Variants in SLC35F1 observed in about 807,000 individuals in gnomAD.
The protein encoded by SLC35F1 is chromosome 6 open reading frame 169.
In SLC35F1, 14 loss-of-function variants were observed where a neutral mutation model predicts 48.7. The ratio of observed to expected loss-of-function variants is 0.29; its 90% CI spans 0.19 to 0.45. The LOEUF (loss-of-function observed/expected upper bound fraction) is 0.45. Among genes scored for constraint, SLC35F1 ranks in the 20% least tolerant of loss-of-function variants. The pLI, the probability that SLC35F1 is intolerant of heterozygous loss-of-function variation, is 1.00. For missense variants in SLC35F1, 404 were observed against 500.0 expected (o/e 0.81, Z 1.83); for synonymous variants, 190 against 202.2 (o/e 0.94, Z 0.51).
At position 118,121,309 on chromosome 6, in the gene SLC35F1, T is replaced by C. The variant is rs562703173; in HGVS notation, c.174-33136T>C. On this transcript the variant is annotated intron_variant, in intron 1 of 7. Transcript: ENST00000360388. ...AAGGGACTTTAAGTAAAATAACTAT[T>C]AACCTCTGAAAACACGTTGTAATCT... 2.6e-5 allele frequency among the ~76,000 whole-genome samples: 4 copies of C among 152,338 alleles called. No individual in the cohort carries two copies. In the South Asian group the frequency reaches 6.2e-4, roughly 24 times the overall value.
Position 118,254,927 on chromosome 6 carries a change from T to C in SLC35F1, c.478-12068T>C, listed in dbSNP as rs368570105. Reference sequence around the variant, plus strand: ...AGTATCAGAAAATGAATGGTTCTAATTCTCATGCACTTTGTCTTATAACCT... The same window carrying C: ...AGTATCAGAAAATGAATGGTTCTAACTCTCATGCACTTTGTCTTATAACCT... On this transcript the variant is annotated intron_variant, in intron 3 of 7. Coordinates refer to ENST00000360388, the MANE Select transcript of SLC35F1 (RefSeq NM_001029858.4). 3.5e-4 allele frequency among the ~76,000 whole-genome samples: 54 copies of C among 152,322 alleles called. No individual in the cohort carries two copies. In the South Asian group the frequency reaches 0.011, roughly 31 times the overall value.
At position 117,923,635 on chromosome 6, in the gene SLC35F1, G is replaced by GTACATATATACATATGTATATA. The variant is rs1775942070; in HGVS notation, c.173+15743_173+15744insATACATATGTATATATACATAT. Among the ~76,000 whole-genome samples, 6 of 93,724 alleles carry GTACATATATACATATGTATATA rather than the reference G, an allele frequency of 6.4e-5. 1 individual carries two copies. Among genetic ancestry groups the GTACATATATACATATGTATATA allele is most frequent in the Non-Finnish European group, 1.2e-4 (6 of 50,700 alleles). 61.5% of individuals were successfully genotyped at this position (93,724 alleles called of 152,430 possible). ...TATACATATGTATATATACATATAT[G>GTACATATATACATATGTATATA]TACATATGTACATATGTACATATGT... is the stretch of plus-strand genomic sequence containing the variant. On this transcript the variant is annotated intron_variant, in intron 1 of 7. Coordinates refer to ENST00000360388, the MANE Select transcript of SLC35F1 (RefSeq NM_001029858.4).
intron 1 of SLC35F1, among the ~76,000 whole-genome samples, chr6:117,912,986 T>G (rs910570486): frequency 6.6e-5 from 10 of 152,242 alleles, no homozygotes; most frequent in African/African-American, 2.2e-4. Context: ...ATGTAGAAGG[T>G]ATAGGCAATT....
In SLC35F1 at chr6:118,243,748, G is replaced by C. The variant is rs530210390; in HGVS notation, c.477+8112G>C. The stretch of plus-strand genomic sequence containing the variant: ...TGTGGATGAGCCAGAGAGAAAGCTT[G>C]CCTATTTACATTAGAAACGGGTCCC... On this transcript the variant is annotated intron_variant, in intron 3 of 7. Transcript: ENST00000360388. Among the ~76,000 whole-genome samples the C allele has an allele frequency of 7.2e-5, 11 of 152,278 alleles. No individual in the cohort carries two copies. The East Asian group carries it at 2.1e-3, about 29-fold the overall frequency.
rs149931316 is a variant in SLC35F1, at chr6:118,044,061, G to A, written c.174-110384G>A. On this transcript the variant is annotated intron_variant, in intron 1 of 7. Transcript: ENST00000360388. ...AACTGGCAGCACTTTATAGATGCCA[G>A]GATGCAACCTGCAGGTGCAGGCCAG... Among the ~76,000 whole-genome samples the A allele has an allele frequency of 7.6e-3, 1,159 of 152,318 alleles. 13 individuals are homozygous for A. Among genetic ancestry groups the A allele is most frequent in the Middle Eastern group, 0.024 (7 of 294 alleles).
In SLC35F1 at chr6:118,285,174, C is replaced by G; in HGVS notation, c.848-10C>G. On this transcript the variant is annotated splice_polypyrimidine_tract_variant and intron_variant, in intron 6 of 7. Transcript: ENST00000360388. ...GCCCTGACGCTGCCTTCTCTTTACT[C>G]TTCCCCCAGGACTGCTCTACGTTGG... is the stretch of plus-strand genomic sequence containing the variant. 6.2e-7 allele frequency: 1 copy of G among 1,612,068 alleles called. No individual in the cohort carries two copies. The highest frequency in any genetic ancestry group is 8.5e-7 in the Non-Finnish European group (1 of 1,178,478).
Position 118,131,357 on chromosome 6 carries a change from A to T in SLC35F1, c.174-23088A>T, listed in dbSNP as rs1773709633. On this transcript the variant is annotated intron_variant, in intron 1 of 7. Coordinates refer to ENST00000360388, the MANE Select transcript of SLC35F1 (RefSeq NM_001029858.4). ...TCAGCATTATACTTTAAGCATTTTT[A>T]TAACTCCACAATCTTTTGGCAACGA... Among the ~76,000 whole-genome samples, 2 of 152,216 alleles carry T rather than the reference A, an allele frequency of 1.3e-5. 1 individual carries two copies. Among genetic ancestry groups the T allele is most frequent in the South Asian group, 4.1e-4 (2 of 4,834 alleles).
chr6:118,103,071 C>T (rs1462576796), intron 1 of SLC35F1, among the ~76,000 whole-genome samples: 1 of 152,066 alleles, frequency 6.6e-6, no homozygotes. Flanking sequence ...TTCTATAGTT[C>T]CTGAAACACA....
At chr6:118,063,719 CAGG>C (rs112778344) in intron 1 of SLC35F1, among the ~76,000 whole-genome samples, 33 of 151,666 alleles carry the variant, frequency 2.2e-4, no homozygotes, top group African/African-American at 8.0e-4. Flanking sequence ...AGATTTCATC[CAGG>C]AGAAGGAATC....
intron 1 of SLC35F1, among the ~76,000 whole-genome samples, chr6:117,953,652 C>T (rs1776391522): frequency 6.6e-6 from 1 of 152,116 alleles, no homozygotes; most frequent in Admixed American, 6.5e-5. Flanking sequence ...AGCCAGGGAC[C>T]AGAACAGTAG....
chr6:118,216,226 T>C (rs747877053), intron 2 of SLC35F1, among the ~76,000 whole-genome samples: 2 of 151,586 alleles, frequency 1.3e-5, no homozygotes, highest in Non-Finnish European at 2.9e-5. Context: ...TACAGACATA[T>C]ACCACAATGC....
At chr6:118,135,957 G>A (rs151136780) in intron 1 of SLC35F1, among the ~76,000 whole-genome samples, 10 of 152,260 alleles carry the variant, frequency 6.6e-5, no homozygotes, top group African/African-American at 9.6e-5. Flanking sequence ...AGACAGCTGG[G>A]TTACCACTCC....
intron 1 of SLC35F1, among the ~76,000 whole-genome samples, chr6:118,118,006 G>T (rs1033659199): frequency 3.3e-5 from 5 of 151,998 alleles, no homozygotes; most frequent in African/African-American, 1.2e-4. Context: ...ATTCCTTGCA[G>T]TTTTTGGCTG....
intron 1 of SLC35F1, among the ~76,000 whole-genome samples, chr6:118,073,794 A>G (rs1342650681): frequency 6.6e-6 from 1 of 152,228 alleles, no homozygotes; most frequent in Non-Finnish European, 1.5e-5. Flanking sequence ...TTTTAAGAAT[A>G]CCATTTACCA....
At position 118,105,403 on chromosome 6, in the gene SLC35F1, TA is replaced by T. The variant is rs1260893588; in HGVS notation, c.174-49041del. Reference sequence around the variant, plus strand: ...TATATTCCATACCAGAGACCTACTCTATGTCTACCCGGTGGACCTTGTTACC... The same window carrying T: ...TATATTCCATACCAGAGACCTACTCTTGTCTACCCGGTGGACCTTGTTACC... On this transcript the variant is annotated intron_variant, in intron 1 of 7. Transcript: ENST00000360388. Among the ~76,000 whole-genome samples the T allele has an allele frequency of 3.3e-5, 5 of 152,352 alleles. No individual in the cohort carries two copies. In the East Asian group the frequency reaches 5.8e-4, roughly 18 times the overall value.
chr6:117,953,231 G>A (rs2114829038), intron 1 of SLC35F1, among the ~76,000 whole-genome samples: 1 of 152,224 alleles, frequency 6.6e-6, no homozygotes, highest in East Asian at 1.9e-4. Context: ...GAATGTAATA[G>A]GTGAGAGCTA....
intron 1 of SLC35F1, among the ~76,000 whole-genome samples, chr6:117,908,754 G>A (rs1307052330): frequency 6.6e-6 from 1 of 152,358 alleles, no homozygotes; most frequent in Non-Finnish European, 1.5e-5. Flanking sequence ...ACTTGAAATG[G>A]TTGACGAGCT....
chr6:117,983,443 G>A (rs183762202), intron 1 of SLC35F1, among the ~76,000 whole-genome samples: 1 of 152,282 alleles, frequency 6.6e-6, no homozygotes, highest in Admixed American at 6.5e-5. Flanking sequence ...CGGGTGTGGT[G>A]GCAGTTGCCT....
At chr6:118,082,093 A>C (rs538090499) in intron 1 of SLC35F1, among the ~76,000 whole-genome samples, 2 of 152,356 alleles carry the variant, frequency 1.3e-5, no homozygotes, top group South Asian at 4.1e-4. Context: ...ACAAGACTGC[A>C]TATGAAATGC....
Sources: gnomAD v4.1 joint callset for allele counts (sites outside exome capture counted in the v4.1 genomes callset) on GRCh38, gnomAD v4.1.1 for gene constraint, MANE v1.5 for transcripts, NCBI Gene and HGNC (gene_info 2026-07-23, HGNC 2026-07-21) for gene names.